CIT: variants seen among roughly 807,000 people sequenced by gnomAD.
CIT encodes the protein citron Rho-interacting kinase.
Under a neutral mutation model 272.7 loss-of-function variants are expected in CIT, and 79 were observed. The observed-to-expected ratio is 0.29, with a 90% confidence interval of 0.24 to 0.35. CIT has a LOEUF of 0.35. Ranked by LOEUF, CIT falls within the 10% of genes least tolerant of loss-of-function variation. CIT has a pLI of 1.00. For missense variants in CIT, 1,909 were observed against 2,618.3 expected (o/e 0.73, Z 5.91); for synonymous variants, 948 against 995.6 (o/e 0.95, Z 0.90).
intron 2 of CIT, among the ~76,000 whole-genome samples, chr12:119,870,556 A>AG (rs1950641998): frequency 6.7e-6 from 1 of 149,904 alleles, no homozygotes; most frequent in Admixed American, 6.6e-5. Flanking sequence ...TCTCAAAAAA[A>AG]AAAAAAAAAA....
chr12:119,695,787 A>G lies in CIT; in HGVS notation c.5882+1872T>C, dbSNP rs528087856. On this transcript the variant is annotated intron_variant, in intron 46 of 47. Transcript: ENST00000392521. The stretch of plus-strand genomic sequence containing the variant: ...CTTAGATGACAGAGACCCTGTCCCA[A>G]AAAAAAAGTAGGGGGAGTGTATTTG... 4.0e-5 allele frequency among the ~76,000 whole-genome samples: 6 copies of G among 151,748 alleles called. No homozygotes were observed. The South Asian group carries it at 8.3e-4, about 21-fold the overall frequency.
At position 119,756,836 on chromosome 12, in the gene CIT, T is replaced by C. The variant is rs76291479; in HGVS notation, c.2706+535A>G. Among the ~76,000 whole-genome samples the C allele has an allele frequency of 4.1e-4, 63 of 152,256 alleles. 1 individual carries two copies. The East Asian group carries it at 0.011, about 27-fold the overall frequency. On this transcript the variant is annotated intron_variant, in intron 22 of 47. Coordinates refer to ENST00000392521, the MANE Select transcript of CIT (RefSeq NM_001206999.2). ...CCTGGTGTTTTCTCTTTTAGAAAGCTAGCACAAATTGGCCAGGCATGGTGG... is the reference window on the plus strand; with the variant it reads ...CCTGGTGTTTTCTCTTTTAGAAAGCCAGCACAAATTGGCCAGGCATGGTGG...
intron 17 of CIT, among the ~76,000 whole-genome samples, chr12:119,772,140 TCAACTACGGCACGCC>T (rs11275195): frequency 0.5 from 75,329 of 151,678 alleles, 18,982 homozygotes; most frequent in Admixed American, 0.58. Flanking sequence ...GAGGGTGAAA[TCAACTACGGCACGCC>T]CCTTCTGTGG....
At chr12:119,752,660 C>T (rs1336180627) in intron 22 of CIT, among the ~76,000 whole-genome samples, 4 of 152,156 alleles carry the variant, frequency 2.6e-5, no homozygotes, top group African/African-American at 9.7e-5. Context: ...AAACAACAGA[C>T]TGAATTCTAT....
At chr12:119,858,744 C>A (rs894557447) in intron 3 of CIT, among the ~76,000 whole-genome samples, 44 of 151,854 alleles carry the variant, frequency 2.9e-4, no homozygotes, top group African/African-American at 1.0e-3. Context: ...ATGGCGTGAA[C>A]CTGGGAGACA....
intron 28 of CIT, among the ~76,000 whole-genome samples, chr12:119,726,158 A>AACC (rs1047125883): frequency 3.3e-5 from 5 of 152,092 alleles, no homozygotes; most frequent in African/African-American, 1.2e-4. Flanking sequence ...GTTATTGTGT[A>AACC]ACCACCACCA....
chr12:119,734,054 C>T (rs1958620119), intron 26 of CIT, 110 bp downstream of exon 26: 11 of 1,231,528 alleles, frequency 8.9e-6, no homozygotes, highest in Middle Eastern at 2.7e-4. Context: ...GCTTGTGACC[C>T]AGGAAACTTC....
chr12:119,812,598 C>T, intron 9 of CIT, among the ~76,000 whole-genome samples: 1 of 152,006 alleles, frequency 6.6e-6, no homozygotes, highest in Non-Finnish European at 1.5e-5. Context: ...CACCACCATA[C>T]CCAGCTAGCT....
chr12:119,700,545 GC>G (rs1428666529), intron 44 of CIT, 199 bp downstream of exon 44: 1 of 506,828 alleles, frequency 2.0e-6, no homozygotes, highest in Admixed American at 3.1e-5. Context: ...ACCATGCCTG[GC>G]TAATTTTTGT....
chr12:119,700,889 A>G lies in CIT; in HGVS notation c.5543-64T>C, dbSNP rs367901738. 4.7e-4 allele frequency: 615 copies of G among 1,301,750 alleles called. 8 individuals are homozygous for G. In the South Asian group the frequency reaches 6.9e-3, roughly 15 times the overall value. The allele number at this position is 1,301,750 out of a possible 1,614,324, so 80.6% of individuals were successfully genotyped here. A position where few individuals can be genotyped will look rare whatever the true frequency, so the allele number is the denominator to read the frequency against. On this transcript the variant is annotated intron_variant, in intron 43 of 47. Coordinates refer to ENST00000392521, the MANE Select transcript of CIT (RefSeq NM_001206999.2). ...AAGAGCAGGGGCATCAGCGACACAC[A>G]TGGTGATGGAAGAATGAGGAGCAGA...
chr12:119,746,125 T>C (rs1465332985), intron 23 of CIT, among the ~76,000 whole-genome samples: 2 of 152,110 alleles, frequency 1.3e-5, no homozygotes, highest in African/African-American at 4.8e-5. Context: ...TTTAGTGTCT[T>C]CCATGATCAC....
rs564546723 is a variant in CIT at position 119,819,999 on chromosome 12, C to T, written c.1111+2821G>A. Among the ~76,000 whole-genome samples, 38 of 152,276 alleles carry T rather than the reference C, an allele frequency of 2.5e-4. No homozygotes were observed. In the South Asian group the frequency reaches 4.4e-3, roughly 17 times the overall value. ...ATAAAACCACCAGGAAAACACAATA[C>T]CAATCCTCGGTGGGCATGAAGATCC... On this transcript the variant is annotated intron_variant, in intron 9 of 47. Coordinates refer to ENST00000392521, the MANE Select transcript of CIT (RefSeq NM_001206999.2).
At chr12:119,864,174 G>T (rs931986781) in intron 3 of CIT, among the ~76,000 whole-genome samples, 4 of 151,868 alleles carry the variant, frequency 2.6e-5, no homozygotes, top group Admixed American at 6.6e-5. Flanking sequence ...TAGTACTAAA[G>T]TTGTAAATAT....
chr12:119,727,489 C>T (rs1401876041), intron 28 of CIT, among the ~76,000 whole-genome samples: 1 of 152,080 alleles, frequency 6.6e-6, no homozygotes, highest in East Asian at 1.9e-4. Flanking sequence ...TGAAAAATTA[C>T]CTATCGGGTA....
intron 32 of CIT, among the ~76,000 whole-genome samples, chr12:119,717,838 C>CCTTTTTTTTTTTTTTTTTTTTTTTTTT (rs1957598855): frequency 2.5e-5 from 2 of 81,332 alleles, no homozygotes; most frequent in Non-Finnish European, 4.5e-5. Flanking sequence ...TGACTTCTTT[C>CCTTTTTTTTTTTTTTTTTTTTTTTTTT]TTTTTTTTTT....
At chr12:119,763,899 C>A (rs1044732822) in intron 19 of CIT, among the ~76,000 whole-genome samples, 11 of 152,126 alleles carry the variant, frequency 7.2e-5, no homozygotes, top group African/African-American at 2.7e-4. Flanking sequence ...GTCAGGCCAG[C>A]CCTTCTCTTG....
At position 119,712,579 on chromosome 12, in the gene CIT, G is replaced by C; in HGVS notation, c.4684+12C>G. The stretch of plus-strand genomic sequence containing the variant: ...CCACCTCCAGGGCGGGGCTCCTCCG[G>C]CTCCTCCTCACCTGCTTTGGCTGTA... On this transcript the variant is annotated intron_variant, in intron 36 of 47. Coordinates refer to ENST00000392521, the MANE Select transcript of CIT (RefSeq NM_001206999.2). This position sits in a 1 kb window ranked among gnomAD's most constrained non-coding sequence, Gnocchi z 5.2. 6.2e-7 allele frequency: 1 copy of C among 1,612,802 alleles called. No individual in the cohort carries two copies. Among genetic ancestry groups the C allele is most frequent in the Non-Finnish European group, 8.5e-7 (1 of 1,178,854 alleles).
At chr12:119,765,374 T>C (rs986764911) in intron 19 of CIT, among the ~76,000 whole-genome samples, 1 of 144,992 alleles carries the variant, frequency 6.9e-6, no homozygotes, top group Non-Finnish European at 1.5e-5. Flanking sequence ...ATATTATATA[T>C]AATATAATAT....
chr12:119,819,041 G>C (rs555407588), intron 9 of CIT, among the ~76,000 whole-genome samples: 1 of 152,172 alleles, frequency 6.6e-6, no homozygotes, highest in Non-Finnish European at 1.5e-5. Flanking sequence ...AGATCAGGCT[G>C]GGTACAGCCA....
Sources: allele counts gnomAD v4.1 joint callset (sites outside exome capture counted in the v4.1 genomes callset), GRCh38; gene constraint gnomAD v4.1.1; non-coding constraint Gnocchi (gnomAD v3.1); transcripts MANE v1.5; gene names NCBI Gene and HGNC (gene_info 2026-07-23, HGNC 2026-07-21).